Variants in KLF3 observed in about 807,000 individuals in gnomAD.
KLF3 encodes the protein KLF transcription factor 3, also known as Krueppel-like factor 3.
KLF3 carries 6 observed loss-of-function variants against 32.7 expected under a neutral mutation model. The observed-to-expected ratio is 0.18, with a 90% CI of 0.10 to 0.36. The LOEUF is 0.36. Ranked by LOEUF, KLF3 falls within the 10% of genes least tolerant of loss-of-function variation. The pLI is 1.00. For synonymous variants in KLF3, 145 were observed against 172.8 expected (o/e 0.84, Z 1.26); for missense variants, 338 against 449.7 (o/e 0.75, Z 2.25).
chr4:38,677,835 A>C (rs1212264175), intron 1 of KLF3, among the ~76,000 whole-genome samples: 2 of 151,960 alleles, frequency 1.3e-5, no homozygotes, highest in Non-Finnish European at 2.9e-5. Context: ...CAGAATATAC[A>C]TCCAGATTTT....
At chr4:38,665,375 T>C (rs1003628639) in intron 1 of KLF3, among the ~76,000 whole-genome samples, 1 of 152,160 alleles carries the variant, frequency 6.6e-6, no homozygotes, top group Admixed American at 6.5e-5. Context: ...GTGGCTTTCT[T>C]AGAGATGGCA....
chr4:38,695,133 T>A (rs77493356), intron 5 of KLF3, among the ~76,000 whole-genome samples: 4,232 of 152,274 alleles, frequency 0.028, 202 homozygotes, highest in African/African-American at 0.097. Context: ...CCACTCACAA[T>A]CACTTGCAGT....
intron 1 of KLF3, among the ~76,000 whole-genome samples, chr4:38,669,893 C>CAAAAAAAAAAAAAAAAAAA (rs60339860): frequency 2.4e-5 from 1 of 41,174 alleles, no homozygotes; most frequent in African/African-American, 9.1e-5. Context: ...GACTCTGTCT[C>CAAAAAAAAAAAAAAAAAAA]AAAAAAAAAA....
chr4:38,669,323 G>A (rs752671039), intron 1 of KLF3, among the ~76,000 whole-genome samples: 37 of 152,144 alleles, frequency 2.4e-4, no homozygotes, highest in Non-Finnish European at 4.9e-4. Flanking sequence ...AGTTGGAAGA[G>A]GGTTATGGTG....
chr4:38,679,196 T>A (rs933330420), intron 1 of KLF3, among the ~76,000 whole-genome samples: 1 of 152,162 alleles, frequency 6.6e-6, no homozygotes, highest in Non-Finnish European at 1.5e-5. Flanking sequence ...ATTCTTCATA[T>A]GTGAAAAGTG....
rs1722182850 is a variant in KLF3 at position 38,671,023 on chromosome 4, T to G, written c.-40+6562T>G. Among the ~76,000 whole-genome samples, 1 of 152,232 alleles carries G rather than the reference T, an allele frequency of 6.6e-6. No individual in the cohort carries two copies. Among genetic ancestry groups the G allele is most frequent in the Non-Finnish European group, 1.5e-5 (1 of 68,036 alleles). ...AACCTCCCCCTGGCACTGCTTCCCATGGGCCAGTGTGGCTGTGCACACCCA... is the reference window on the plus strand; with the variant it reads ...AACCTCCCCCTGGCACTGCTTCCCAGGGGCCAGTGTGGCTGTGCACACCCA... On this transcript the variant is annotated intron_variant, in intron 1 of 5. Coordinates refer to ENST00000261438, the MANE Select transcript of KLF3 (RefSeq NM_016531.6). This position sits in a 1 kb window ranked among gnomAD's most constrained non-coding sequence, Gnocchi z 4.4.
chr4:38,668,503 A>G (rs1722107039), intron 1 of KLF3, among the ~76,000 whole-genome samples: 1 of 152,170 alleles, frequency 6.6e-6, no homozygotes, highest in Admixed American at 6.5e-5. Context: ...ATAAAATATG[A>G]TATTAAGAGA....
chr4:38,675,977 G>C (rs953234589), intron 1 of KLF3, among the ~76,000 whole-genome samples: 8 of 152,154 alleles, frequency 5.3e-5, no homozygotes, highest in Non-Finnish European at 1.0e-4. Context: ...TAGTACCAAT[G>C]ACAAAAGTGG....
intron 4 of KLF3, among the ~76,000 whole-genome samples, chr4:38,691,984 G>C (rs1266153653): frequency 6.6e-6 from 1 of 152,200 alleles, no homozygotes; most frequent in East Asian, 1.9e-4. Flanking sequence ...CCATTTGCTC[G>C]ATTGTGGTGT....
At chr4:38,667,054 T>C (rs1001230011) in intron 1 of KLF3, among the ~76,000 whole-genome samples, 11 of 152,330 alleles carry the variant, frequency 7.2e-5, no homozygotes, top group African/African-American at 2.4e-4. Context: ...ATTTCACTTA[T>C]GATGTTTACT....
In KLF3 at chr4:38,694,031, A is replaced by C. The variant is rs1466163939; in HGVS notation, c.696-715A>C. 1.1e-4 allele frequency among the ~76,000 whole-genome samples: 16 copies of C among 152,230 alleles called. No individual in the cohort carries two copies. In the East Asian group the frequency reaches 2.5e-3, roughly 24 times the overall value. On this transcript the variant is annotated intron_variant, in intron 4 of 5. Coordinates refer to ENST00000261438, the MANE Select transcript of KLF3 (RefSeq NM_016531.6). ...ACCACGTGAGCCAGCATCATGGGTG[A>C]CCACAACACTACATTGAAATTCTCC...
chr4:38,672,555 A>C (rs1366037437), intron 1 of KLF3, among the ~76,000 whole-genome samples: 1 of 152,148 alleles, frequency 6.6e-6, no homozygotes, highest in Non-Finnish European at 1.5e-5. Flanking sequence ...CCGGTTGCCC[A>C]GCATCAGGGC....
intron 1 of KLF3, among the ~76,000 whole-genome samples, chr4:38,665,951 G>GA (rs1380948214): frequency 6.6e-6 from 1 of 152,156 alleles, no homozygotes; most frequent in Non-Finnish European, 1.5e-5. Context: ...AGTGTTTAAG[G>GA]AAAGTGTCCA....
intron 4 of KLF3, among the ~76,000 whole-genome samples, chr4:38,693,639 T>A (rs966095992): frequency 1.3e-5 from 2 of 152,184 alleles, no homozygotes; most frequent in African/African-American, 4.8e-5. Context: ...CTGTATTATA[T>A]GGAACATTTT....
At chr4:38,695,853 C>T (rs563040380) in intron 5 of KLF3, among the ~76,000 whole-genome samples, 1 of 152,244 alleles carries the variant, frequency 6.6e-6, no homozygotes, top group East Asian at 1.9e-4. Flanking sequence ...TTTTCCTTAG[C>T]AGTGTAGGTT....
At chr4:38,691,245 T>A (rs1053699793) in intron 4 of KLF3, among the ~76,000 whole-genome samples, 1 of 152,228 alleles carries the variant, frequency 6.6e-6, no homozygotes, top group Non-Finnish European at 1.5e-5. Flanking sequence ...TTGGGCTTGA[T>A]CTCCTGCTTC....
Position 38,688,376 on chromosome 4 carries a change from A to G in KLF3, c.58-209A>G, listed in dbSNP as rs952695671. Among the ~76,000 whole-genome samples, 4 of 152,182 alleles carry G rather than the reference A, an allele frequency of 2.6e-5. No homozygotes were observed. The highest frequency in any genetic ancestry group is 9.7e-5 in the African/African-American group (4 of 41,424). ...AGTGACCACATTGATCTTAGTTTTAATATTTTTGAGACCGCCTCTCATAGC... is the reference window on the plus strand; with the variant it reads ...AGTGACCACATTGATCTTAGTTTTAGTATTTTTGAGACCGCCTCTCATAGC... On this transcript the variant is annotated intron_variant, in intron 2 of 5. Transcript: ENST00000261438. This position sits in a 1 kb window ranked among gnomAD's most constrained non-coding sequence, Gnocchi z 4.9.
At chr4:38,697,000 T>A in intron 5 of KLF3, 82 bp from the exon 6 acceptor site, 1 of 1,151,600 alleles carries the variant, frequency 8.7e-7, no homozygotes. Flanking sequence ...ATCTTGGAAA[T>A]AATATTTGTC....
intron 1 of KLF3, among the ~76,000 whole-genome samples, chr4:38,670,940 A>G (rs145267383): frequency 0.022 from 3,401 of 152,290 alleles, 96 homozygotes; most frequent in Non-Finnish European, 0.03. Flanking sequence ...CATAGGATGG[A>G]GTAGATCTAC....
Sources: allele counts gnomAD v4.1 joint callset (sites outside exome capture counted in the v4.1 genomes callset), GRCh38; gene constraint gnomAD v4.1.1; non-coding constraint Gnocchi (gnomAD v3.1); transcripts MANE v1.5; gene names NCBI Gene and HGNC (gene_info 2026-07-23, HGNC 2026-07-21).